CCDC66: variants seen among roughly 807,000 people sequenced by gnomAD.
CCDC66 encodes coiled-coil domain-containing protein 66.
Under a neutral mutation model 128.3 loss-of-function variants are expected in CCDC66, and 133 were observed. The ratio of observed to expected loss-of-function variants is 1.04; its 90% CI spans 0.90 to 1.20. The LOEUF (loss-of-function observed/expected upper bound fraction) is 1.20, where lower values mean the gene tolerates loss of function less well. CCDC66 is among the 50% of genes most tolerant of loss of function. The pLI, the probability that CCDC66 is intolerant of heterozygous loss-of-function variation, is 0.00. For missense variants in CCDC66, 1,126 were observed against 1,075.5 expected (o/e 1.05, Z -0.66); for synonymous variants, 387 against 357.0 (o/e 1.08, Z -0.95).
intron 7 of CCDC66, among the ~76,000 whole-genome samples, chr3:56,578,506 T>G (rs1441626487): frequency 6.6e-6 from 1 of 151,844 alleles, no homozygotes; most frequent in Non-Finnish European, 1.5e-5. Context: ...AGGGAACGCT[T>G]CCAGTTTTCG....
Position 56,604,283 on chromosome 3 carries a change from G to T in CCDC66, c.1405-9306G>T, listed in dbSNP as rs576887179. 1.6e-3 allele frequency among the ~76,000 whole-genome samples: 240 copies of T among 152,038 alleles called. 7 individuals carry two copies. Among genetic ancestry groups the T allele is most frequent in the African/African-American group, 5.6e-3 (231 of 41,362 alleles). On this transcript the variant is annotated intron_variant, in intron 10 of 17. Transcript: ENST00000394672. ...GACATTTAGCCCATTTACATTTAAG[G>T]TTTATATTGTTATGTGTGAATTTGA...
intron 10 of CCDC66, among the ~76,000 whole-genome samples, chr3:56,604,978 T>G (rs2073856946): frequency 6.6e-6 from 1 of 151,078 alleles, no homozygotes; most frequent in Non-Finnish European, 1.5e-5. Context: ...TTTTTCATTC[T>G]TTTTTTTCTA....
rs981494223 is a variant in CCDC66, at chr3:56,557,191, C to G, written c.-52C>G. The G allele has an allele frequency of 9.0e-6, 14 of 1,550,974 alleles. No individual in the cohort carries two copies. Among genetic ancestry groups the G allele is most frequent in the Admixed American group, 5.9e-5 (3 of 50,942 alleles). ...GCGCTTGCTGAGCGGCGGCGGCAAC[C>G]GACGTACACAAGGGGCTTGAGCGTT... is the stretch of plus-strand genomic sequence containing the variant. On this transcript the variant is annotated 5_prime_UTR_variant, in exon 1 of 18. Coordinates refer to ENST00000394672, the MANE Select transcript of CCDC66 (RefSeq NM_001141947.3).
In CCDC66 at chr3:56,617,348, A is replaced by G; in HGVS notation, c.2080A>G (p.Met694Val). Residue 694 changes from methionine (M) to valine (V), a missense_variant, in exon 14 of 18, where the codon ATG (methionine) becomes GTG (valine). Transcript: ENST00000394672. The part of the protein sequence containing the change: ...FTRIEKQTKH[M>V]KKYPKRPDWN... The stretch of plus-strand genomic sequence containing the variant: ...AAGAATAGAGAAACAAACAAAACAC[A>G]TGAAGAAATATCCTAAAAGGCCTGA... The G allele has an allele frequency of 6.2e-7, 1 of 1,613,184 alleles. No individual in the cohort carries two copies. The highest frequency in any genetic ancestry group is 8.5e-7 in the Non-Finnish European group (1 of 1,179,836).
chr3:56,615,740 C>G lies in CCDC66; in HGVS notation c.1712-182C>G, dbSNP rs2075413195. ...TTTTTGTGTCTATTTTTACCGAGAA[C>G]AATTATTAAATGATCTCCCTAAATT... On this transcript the variant is annotated intron_variant, in intron 12 of 17. Coordinates refer to ENST00000394672, the MANE Select transcript of CCDC66 (RefSeq NM_001141947.3). 7.4e-6 allele frequency: 3 copies of G among 405,400 alleles called. No individual in the cohort carries two copies. The South Asian group carries it at 1.2e-4, about 17-fold the overall frequency. 25.1% of individuals were successfully genotyped at this position (405,400 alleles called of 1,614,324 possible). A position where few individuals can be genotyped will look rare whatever the true frequency, so the allele number is the denominator to read the frequency against.
At position 56,619,042 on chromosome 3, in the gene CCDC66, A is replaced by AC. The variant is rs201164322; in HGVS notation, c.2379-225dup. Reference sequence around the variant, plus strand: ...AAGACCAGCCTGGCCAACTTGGTGAACCCCGTCTCTACTAAAAATACAGAA... The same window carrying AC: ...AAGACCAGCCTGGCCAACTTGGTGAACCCCCGTCTCTACTAAAAATACAGAA... On this transcript the variant is annotated intron_variant, in intron 15 of 17. Transcript: ENST00000394672. 4.7e-3 allele frequency: 1,826 copies of AC among 386,920 alleles called. 31 individuals carry two copies. Among genetic ancestry groups the AC allele is most frequent in the African/African-American group, 0.034 (1,614 of 47,226 alleles). 24.0% of individuals were successfully genotyped at this position (386,920 alleles called of 1,614,324 possible). A position where few individuals can be genotyped will look rare whatever the true frequency, so the allele number is the denominator to read the frequency against.
Position 56,571,166 on chromosome 3 carries a change from G to A in CCDC66, c.815-15G>A. On this transcript the variant is annotated splice_polypyrimidine_tract_variant and intron_variant, in intron 6 of 17. Transcript: ENST00000394672. Reference sequence around the variant, plus strand: ...CAGTTTTTGTACATTTTTTTAAAAAGGACATTATTTACAGATGAACAGGTT... The same window carrying A: ...CAGTTTTTGTACATTTTTTTAAAAAAGACATTATTTACAGATGAACAGGTT... 1 of 1,486,248 alleles carries A rather than the reference G, an allele frequency of 6.7e-7. No homozygotes were observed. Among genetic ancestry groups the A allele is most frequent in the Non-Finnish European group, 9.1e-7 (1 of 1,097,020 alleles). The allele number at this position is 1,486,248 out of a possible 1,614,324, so 92.1% of individuals were successfully genotyped here.
intron 10 of CCDC66, among the ~76,000 whole-genome samples, chr3:56,595,143 T>C (rs1312826231): frequency 2.0e-5 from 3 of 152,236 alleles, no homozygotes; most frequent in Non-Finnish European, 4.4e-5. Context: ...TTTATATATT[T>C]ATAGGATACA....
rs183782629 is a variant in CCDC66 at position 56,563,604 on chromosome 3, G to A, written c.103-80G>A. ...AAAATGGAAAAAAGTTTAGAGGACTGATTTATCACAGATCATATAAAGATA... is the reference window on the plus strand; with the variant it reads ...AAAATGGAAAAAAGTTTAGAGGACTAATTTATCACAGATCATATAAAGATA... On this transcript the variant is annotated intron_variant, in intron 3 of 17. Coordinates refer to ENST00000394672, the MANE Select transcript of CCDC66 (RefSeq NM_001141947.3). 161 of 1,176,608 alleles carry A rather than the reference G, an allele frequency of 1.4e-4. 4 individuals are homozygous for A. The East Asian group carries it at 2.7e-3, about 20-fold the overall frequency. 72.9% of individuals were successfully genotyped at this position (1,176,608 alleles called of 1,614,324 possible). A position where few individuals can be genotyped will look rare whatever the true frequency, so the allele number is the denominator to read the frequency against.
chr3:56,618,564 G>A (rs1271335074), intron 15 of CCDC66: 2 of 217,672 alleles, frequency 9.2e-6, no homozygotes, highest in South Asian at 3.1e-4. Context: ...TAAGGACAAT[G>A]AGAAATTCAG....
intron 7 of CCDC66, among the ~76,000 whole-genome samples, chr3:56,586,577 T>G (rs1315670073): frequency 6.6e-6 from 1 of 150,854 alleles, no homozygotes; most frequent in Non-Finnish European, 1.5e-5. Context: ...ATTAGTATAA[T>G]TATAAAGAGT....
At chr3:56,619,121 A>G (rs941141725) in intron 15 of CCDC66, 150 bp from the exon 16 acceptor site, 3 of 605,652 alleles carry the variant, frequency 5.0e-6, no homozygotes, top group African/African-American at 3.8e-5. Flanking sequence ...GGGAGGCTGA[A>G]GCAGGAGAGT....
chr3:56,559,004 A>G (rs1463419796), intron 2 of CCDC66, 94 bp downstream of exon 2: 11 of 851,012 alleles, frequency 1.3e-5, no homozygotes, highest in Non-Finnish European at 2.0e-5. Context: ...TAATAGAGTG[A>G]TATTTAAATG....
chr3:56,571,279 C>T lies in CCDC66; in HGVS notation c.913C>T (p.His305Tyr). 6.5e-7 allele frequency: 1 copy of T among 1,537,182 alleles called. No homozygotes were observed. Among genetic ancestry groups the T allele is most frequent in the Non-Finnish European group, 8.9e-7 (1 of 1,126,750 alleles). ...AAGTGATAAAATAATATGGGAAAAA[C>T]ATCAAATTCTTGACCAATCTAGGGT... ...SESDKIIWEKHQILDQSRETV... is the reference protein window; with the variant it reads ...SESDKIIWEKYQILDQSRETV... The change falls in exon 7 of 18, where the codon CAT (histidine) becomes TAT (tyrosine). Residue 305 changes from histidine (H) to tyrosine (Y), a missense_variant. Coordinates refer to ENST00000394672, the MANE Select transcript of CCDC66 (RefSeq NM_001141947.3).
chr3:56,619,717 ACAGGGCTATGT>A (rs1296350749), intron 16 of CCDC66, 49 bp from the exon 17 acceptor site: 2 of 1,591,118 alleles, frequency 1.3e-6, no homozygotes. Flanking sequence ...ATTATATAGC[ACAGGGCTATGT>A]CATTTTACTA....
chr3:56,621,290 T>C, intron 17 of CCDC66: 1 of 318,170 alleles, frequency 3.1e-6, no homozygotes, highest in South Asian at 7.6e-5. Flanking sequence ...AGTTATGGAG[T>C]CTTGAGTTCT....
Position 56,617,834 on chromosome 3 carries a change from A to G in CCDC66, c.2337+229A>G. On this transcript the variant is annotated intron_variant, in intron 14 of 17. Coordinates refer to ENST00000394672, the MANE Select transcript of CCDC66 (RefSeq NM_001141947.3). Reference sequence around the variant, plus strand: ...GTCTGTGGCTGACTTCACACACCAGACTAGCAACAGAAACAATATGGCCCA... The same window carrying G: ...GTCTGTGGCTGACTTCACACACCAGGCTAGCAACAGAAACAATATGGCCCA... 6.8e-6 allele frequency: 4 copies of G among 584,826 alleles called. No individual in the cohort carries two copies. In the East Asian group the frequency reaches 1.2e-4, roughly 17 times the overall value. The allele number at this position is 584,826 out of a possible 1,614,324, so 36.2% of individuals were successfully genotyped here.
chr3:56,580,614 A>G (rs1453949654), intron 7 of CCDC66, among the ~76,000 whole-genome samples: 2 of 151,776 alleles, frequency 1.3e-5, no homozygotes, highest in African/African-American at 4.8e-5. Context: ...GGTGGTGACA[A>G]AATCTCTCAG....
rs569280793 is a variant in CCDC66 at position 56,588,159 on chromosome 3, G to C, written c.937-4811G>C. Among the ~76,000 whole-genome samples, 6 of 152,348 alleles carry C rather than the reference G, an allele frequency of 3.9e-5. No homozygotes were observed. The South Asian group carries it at 6.2e-4, about 16-fold the overall frequency. Reference sequence around the variant, plus strand: ...GAATGAATAGCATTTGCAGCAACCTGGATGGAGTTGGAGAGTATTATTTTA... The same window carrying C: ...GAATGAATAGCATTTGCAGCAACCTCGATGGAGTTGGAGAGTATTATTTTA... On this transcript the variant is annotated intron_variant, in intron 7 of 17. Transcript: ENST00000394672.
Sources: allele counts gnomAD v4.1 joint callset (sites outside exome capture counted in the v4.1 genomes callset), GRCh38; gene constraint gnomAD v4.1.1; transcripts MANE v1.5; gene names NCBI Gene and HGNC (gene_info 2026-07-23, HGNC 2026-07-21).